Variants in SLC25A12 observed in about 807,000 individuals in gnomAD.
SLC25A12 encodes the protein solute carrier family 25 member 12, also known as electrogenic aspartate/glutamate antiporter SLC25A12, mitochondrial.
A neutral mutation model predicts 83.3 loss-of-function variants in SLC25A12; 32 were observed. The ratio of observed to expected loss-of-function variants is 0.38; its 90% CI spans 0.29 to 0.52. SLC25A12 has a LOEUF of 0.52. Among genes scored for constraint, SLC25A12 ranks in the 20% least tolerant of loss-of-function variants. The pLI, the probability that SLC25A12 is intolerant of heterozygous loss-of-function variation, is 0.84. For missense variants in SLC25A12, 611 were observed against 835.6 expected (o/e 0.73, Z 3.31); for synonymous variants, 267 against 291.1 (o/e 0.92, Z 0.84).
chr2:171,836,580 C>T (rs1196855424), intron 6 of SLC25A12, among the ~76,000 whole-genome samples: 1 of 152,130 alleles, frequency 6.6e-6, no homozygotes, highest in African/African-American at 2.4e-5. Context: ...TCCTCCATAC[C>T]TTCTGCCATG....
intron 2 of SLC25A12, among the ~76,000 whole-genome samples, chr2:171,887,391 C>G (rs1197521199): frequency 6.6e-6 from 1 of 152,182 alleles, no homozygotes; most frequent in African/African-American, 2.4e-5. Context: ...AATTTTTGAT[C>G]TGGCAAATAT....
chr2:171,837,352 C>CT, intron 5 of SLC25A12, 85 bp from the exon 6 acceptor site: 1 of 1,401,610 alleles, frequency 7.1e-7, no homozygotes, highest in South Asian at 1.2e-5. Context: ...GACAGATATC[C>CT]TTCCCACACA....
chr2:171,812,674 AC>A (rs1208473543), intron 11 of SLC25A12, among the ~76,000 whole-genome samples: 1 of 152,182 alleles, frequency 6.6e-6, no homozygotes, highest in East Asian at 1.9e-4. Flanking sequence ...TGCCAACTGC[AC>A]TGTGCTCAGT....
chr2:171,855,968 C>T lies in SLC25A12; in HGVS notation c.210-19G>A, dbSNP rs778685781. 2.2e-5 allele frequency: 30 copies of T among 1,388,584 alleles called. No individual in the cohort carries two copies. Among genetic ancestry groups the T allele is most frequent in the African/African-American group, 2.8e-5 (2 of 70,300 alleles). The allele number at this position is 1,388,584 out of a possible 1,614,324, so 86.0% of individuals were successfully genotyped here. A position where few individuals can be genotyped will look rare whatever the true frequency, so the allele number is the denominator to read the frequency against. On this transcript the variant is annotated intron_variant, in intron 3 of 17. Transcript: ENST00000422440. ...GATCAACCTGGAATAAAATATAAAA[C>T]GTCATTGGCTGGTGAAGAAAGGGAA...
chr2:171,834,478 C>A, intron 7 of SLC25A12: 1 of 522,336 alleles, frequency 1.9e-6, no homozygotes, highest in Non-Finnish European at 3.4e-6. Context: ...TGCTGCCACA[C>A]TGCCACTGAC....
intron 3 of SLC25A12, among the ~76,000 whole-genome samples, chr2:171,860,213 C>G (rs1012614782): frequency 1.3e-5 from 2 of 152,200 alleles, no homozygotes; most frequent in African/African-American, 4.8e-5. Context: ...TAGGTGCATA[C>G]ATTTGTCAAA....
chr2:171,890,612 G>C (rs1685910795), intron 2 of SLC25A12, among the ~76,000 whole-genome samples: 1 of 152,146 alleles, frequency 6.6e-6, no homozygotes, highest in African/African-American at 2.4e-5. Context: ...CACCTGAGTA[G>C]CTGGGACCAC....
chr2:171,880,657 T>A (rs995687273), intron 2 of SLC25A12, among the ~76,000 whole-genome samples: 4 of 152,208 alleles, frequency 2.6e-5, no homozygotes, highest in African/African-American at 9.7e-5. Context: ...AATGATCCCA[T>A]CAGCCAGAGA....
At chr2:171,826,517 G>A (rs978756125) in intron 9 of SLC25A12, among the ~76,000 whole-genome samples, 4 of 152,118 alleles carry the variant, frequency 2.6e-5, no homozygotes, top group African/African-American at 7.2e-5. Context: ...GCTGAGGCAG[G>A]AGAATCTCTT....
chr2:171,881,147 T>TTG (rs1553477530), intron 2 of SLC25A12, among the ~76,000 whole-genome samples: 32 of 152,086 alleles, frequency 2.1e-4, no homozygotes, highest in African/African-American at 5.8e-4. Context: ...ATTTTCTTTT[T>TTG]TTGTTGTTGT....
Position 171,817,600 on chromosome 2 carries a change from C to CAAAAAAAAAA in SLC25A12, c.931-2408_931-2399dup, listed in dbSNP as rs71013076. 3.4e-3 allele frequency among the ~76,000 whole-genome samples: 220 copies of CAAAAAAAAAA among 64,214 alleles called. 20 individuals carry two copies. The highest frequency in any genetic ancestry group is 4.7e-3 in the Non-Finnish European group (175 of 37,330). The allele number at this position is 64,214 out of a possible 152,430, so 42.1% of individuals were successfully genotyped here. ...TGAGTGACAGAGCAAGACTCTGCCT[C>CAAAAAAAAAA]AAAAAAAAAAAAAAAAAAAAAAATG... On this transcript the variant is annotated intron_variant, in intron 9 of 17. Transcript: ENST00000422440.
chr2:171,800,328 C>CAG (rs1255004622), intron 13 of SLC25A12, among the ~76,000 whole-genome samples: 1 of 151,208 alleles, frequency 6.6e-6, no homozygotes, highest in Non-Finnish European at 1.5e-5. Flanking sequence ...ATACTTCACA[C>CAG]ACACACACAC....
At chr2:171,794,121 G>T (rs1160252519) in intron 13 of SLC25A12, among the ~76,000 whole-genome samples, 1 of 152,168 alleles carries the variant, frequency 6.6e-6, no homozygotes, top group Non-Finnish European at 1.5e-5. Context: ...GGTACTCAAT[G>T]AAAGAAAAAG....
rs749994013 is a variant in SLC25A12 at position 171,833,957 on chromosome 2, A to G, written c.845+6T>C. ...AAATATCATGAAGAATTATTGAAAT[A>G]CTTACCCTGAAGCATTATATAAGTC... is the stretch of plus-strand genomic sequence containing the variant. On this transcript the variant is annotated splice_donor_region_variant and intron_variant, in intron 8 of 17. Transcript: ENST00000422440. 4 of 1,462,652 alleles carry G rather than the reference A, an allele frequency of 2.7e-6. No homozygotes were observed. Among genetic ancestry groups the G allele is most frequent in the Non-Finnish European group, 3.8e-6 (4 of 1,042,196 alleles). 90.6% of individuals were successfully genotyped at this position (1,462,652 alleles called of 1,614,324 possible).
rs1028081358 is a variant in SLC25A12, at chr2:171,785,207, T to C, written c.*67A>G. 7 of 1,453,684 alleles carry C rather than the reference T, an allele frequency of 4.8e-6. No homozygotes were observed. Among genetic ancestry groups the C allele is most frequent in the Non-Finnish European group, 6.8e-6 (7 of 1,036,444 alleles). 90.0% of individuals were successfully genotyped at this position (1,453,684 alleles called of 1,614,324 possible). A position where few individuals can be genotyped will look rare whatever the true frequency, so the allele number is the denominator to read the frequency against. ...AGTACCATGCAGCTGACTGGATACA[T>C]TACAGGGCTGCTCTCCTAGGCCTCT... On this transcript the variant is annotated 3_prime_UTR_variant, in exon 18 of 18. Coordinates refer to ENST00000422440, the MANE Select transcript of SLC25A12 (RefSeq NM_003705.5).
intron 13 of SLC25A12, 30 bp from the exon 14 acceptor site, chr2:171,793,797 T>C (rs2105840230): frequency 6.2e-7 from 1 of 1,613,928 alleles, no homozygotes; most frequent in Non-Finnish European, 8.5e-7. Context: ...GACAGGCAGA[T>C]TCCACATCAG....
chr2:171,894,211 C>A lies in SLC25A12; in HGVS notation c.4G>T (p.Ala2Ser). The A allele has an allele frequency of 1.2e-6, 2 of 1,609,110 alleles. No individual in the cohort carries two copies. The highest frequency in any genetic ancestry group is 1.7e-6 in the Non-Finnish European group (2 of 1,177,860). The change falls in exon 1 of 18, where the codon GCG (alanine) becomes TCG (serine). Residue 2 changes from alanine (A) to serine (S), a missense_variant. By Grantham distance (99) the Ala-to-Ser change is moderately conservative. This residue lies in a region of SLC25A12 where 34 missense variants were observed against 23.0 expected (regional missense o/e 1.48). Transcript: ENST00000422440. The part of the protein sequence containing the change: M[A>S]VKVQTTKRGD... Reference sequence around the variant, plus strand: ...CAGAGAGTTGGAGTCACCTTGACCGCCATGCTGTGCTCGGAAGCCGGGGAC... The same window carrying A: ...CAGAGAGTTGGAGTCACCTTGACCGACATGCTGTGCTCGGAAGCCGGGGAC...
At position 171,809,267 on chromosome 2, in the gene SLC25A12, G is replaced by A. The variant is rs547166486; in HGVS notation, c.1305+339C>T. Among the ~76,000 whole-genome samples the A allele has an allele frequency of 2.6e-5, 4 of 152,258 alleles. No homozygotes were observed. In the South Asian group the frequency reaches 6.2e-4, roughly 24 times the overall value. ...ATGGTATTTCTAGTTCTAGATCCTT[G>A]AGGAATTGCCACACTGTCTTCCACA... is the stretch of plus-strand genomic sequence containing the variant. On this transcript the variant is annotated intron_variant, in intron 13 of 17. Coordinates refer to ENST00000422440, the MANE Select transcript of SLC25A12 (RefSeq NM_003705.5).
In SLC25A12 at chr2:171,867,506, G is replaced by A. The variant is rs556986796; in HGVS notation, c.209+1175C>T. Reference sequence around the variant, plus strand: ...AAACCAGTCAGGTGTGGCGGCGTGCGCCTGCAATCGCAGGCTGAGGCAGGA... The same window carrying A: ...AAACCAGTCAGGTGTGGCGGCGTGCACCTGCAATCGCAGGCTGAGGCAGGA... On this transcript the variant is annotated intron_variant, in intron 3 of 17. Coordinates refer to ENST00000422440, the MANE Select transcript of SLC25A12 (RefSeq NM_003705.5). Among the ~76,000 whole-genome samples, 454 of 150,766 alleles carry A rather than the reference G, an allele frequency of 3.0e-3. 2 individuals carry two copies. Among genetic ancestry groups the A allele is most frequent in the African/African-American group, 0.01 (433 of 41,486 alleles).
Sources: gnomAD v4.1 joint callset for allele counts (sites outside exome capture counted in the v4.1 genomes callset) on GRCh38, gnomAD v4.1.1 for gene constraint, gnomAD v4.1.1 regional missense constraint, MANE v1.5 for transcripts, NCBI Gene and HGNC (gene_info 2026-07-23, HGNC 2026-07-21) for gene names.